NEGR1: variants seen among roughly 807,000 people sequenced by gnomAD.
The protein encoded by NEGR1 is IgLON family member 4.
A neutral mutation model predicts 40.9 loss-of-function variants in NEGR1; 10 were observed. That is an observed-to-expected ratio of 0.24 (90% confidence interval 0.15 to 0.42). The LOEUF (loss-of-function observed/expected upper bound fraction) is 0.42. Among genes scored for constraint, NEGR1 ranks in the 10% least tolerant of loss-of-function variants. The pLI, the probability that NEGR1 is intolerant of heterozygous loss-of-function variation, is 1.00. For missense variants in NEGR1, 352 were observed against 438.9 expected (o/e 0.80, Z 1.77); for synonymous variants, 185 against 166.8 (o/e 1.11, Z -0.84).
intron 6 of NEGR1, among the ~76,000 whole-genome samples, chr1:71,502,893 CCAGAGA>C (rs1647008582): frequency 6.6e-6 from 1 of 152,064 alleles, no homozygotes; most frequent in Non-Finnish European, 1.5e-5. Context: ...AGGGAAATGG[CCAGAGA>C]CAGAGGCAGC....
At chr1:71,733,882 G>T (rs1453098046) in intron 3 of NEGR1, among the ~76,000 whole-genome samples, 3 of 152,106 alleles carry the variant, frequency 2.0e-5, no homozygotes, top group Admixed American at 2.0e-4. Context: ...ACTATCAAAT[G>T]GATAACTTGT....
chr1:71,577,902 C>T (rs376233043), intron 6 of NEGR1, among the ~76,000 whole-genome samples: 1 of 152,066 alleles, frequency 6.6e-6, no homozygotes, highest in South Asian at 2.1e-4. Context: ...AGAATACTTG[C>T]TTGGAGCTAT....
chr1:72,046,412 T>A (rs1245929106), intron 1 of NEGR1, among the ~76,000 whole-genome samples: 1 of 151,548 alleles, frequency 6.6e-6, no homozygotes, highest in Admixed American at 6.6e-5. Context: ...TAAAATTGGC[T>A]CCAGAGAGAT....
chr1:71,612,676 C>T (rs1650299653), intron 4 of NEGR1, among the ~76,000 whole-genome samples: 2 of 152,120 alleles, frequency 1.3e-5, no homozygotes, highest in South Asian at 4.1e-4. Flanking sequence ...ATACTATTTT[C>T]GATAGGGTAA....
chr1:71,488,445 A>G (rs527452391), intron 6 of NEGR1, among the ~76,000 whole-genome samples: 1 of 151,950 alleles, frequency 6.6e-6, no homozygotes, highest in Non-Finnish European at 1.5e-5. Context: ...AGTTTCTGCA[A>G]TTTGACTCCC....
At chr1:71,583,493 T>C (rs1649204409) in intron 6 of NEGR1, among the ~76,000 whole-genome samples, 1 of 152,192 alleles carries the variant, frequency 6.6e-6, no homozygotes, top group Admixed American at 6.5e-5. Flanking sequence ...ATTTATCCTT[T>C]TCCAGCAGAG....
At chr1:71,811,880 T>TTATTC (rs1201283369) in intron 2 of NEGR1, among the ~76,000 whole-genome samples, 7 of 149,736 alleles carry the variant, frequency 4.7e-5, no homozygotes, top group African/African-American at 7.4e-5. Flanking sequence ...TTATTTTATT[T>TTATTC]TATTTTATTT....
chr1:72,172,771 T>C (rs1652011044), intron 1 of NEGR1, among the ~76,000 whole-genome samples: 1 of 152,104 alleles, frequency 6.6e-6, no homozygotes, highest in African/African-American at 2.4e-5. Flanking sequence ...AGACGGAATC[T>C]GTTTCCTTGT....
intron 1 of NEGR1, among the ~76,000 whole-genome samples, chr1:72,145,820 T>C (rs543024925): frequency 6.6e-6 from 1 of 152,292 alleles, no homozygotes; most frequent in Non-Finnish European, 1.5e-5. Flanking sequence ...TCTACTGATT[T>C]TCTTAAAATA....
At chr1:71,689,945 G>A (rs931836810) in intron 4 of NEGR1, among the ~76,000 whole-genome samples, 2 of 151,866 alleles carry the variant, frequency 1.3e-5, no homozygotes, top group African/African-American at 2.4e-5. Flanking sequence ...AGAGAGAATA[G>A]ATAAATAAGA....
chr1:72,213,947 A>G (rs749966477), intron 1 of NEGR1, among the ~76,000 whole-genome samples: 2 of 152,106 alleles, frequency 1.3e-5, no homozygotes, highest in African/African-American at 4.8e-5. Context: ...CCTGATGAAC[A>G]TCGATGAGAA....
chr1:71,644,101 A>T (rs766443629), intron 4 of NEGR1, among the ~76,000 whole-genome samples: 3 of 151,950 alleles, frequency 2.0e-5, no homozygotes, highest in African/African-American at 4.8e-5. Flanking sequence ...TTGGAAGCAA[A>T]AGCTAAAACC....
At chr1:71,921,888 T>C (rs1645723996) in intron 2 of NEGR1, among the ~76,000 whole-genome samples, 1 of 151,918 alleles carries the variant, frequency 6.6e-6, no homozygotes, top group Admixed American at 6.6e-5. Flanking sequence ...GATTTTTGAC[T>C]GTGTAGGAGG....
intron 4 of NEGR1, among the ~76,000 whole-genome samples, chr1:71,645,137 G>A (rs985364862): frequency 2.0e-5 from 3 of 151,780 alleles, no homozygotes; most frequent in East Asian, 3.9e-4. Context: ...TTTGCATCAC[G>A]CTTTTCAGTT....
At chr1:71,562,497 C>T (rs1409938257) in intron 6 of NEGR1, among the ~76,000 whole-genome samples, 3 of 151,846 alleles carry the variant, frequency 2.0e-5, no homozygotes, top group African/African-American at 7.3e-5. Context: ...CATTTTCATT[C>T]CAACTTGAGA....
intron 1 of NEGR1, among the ~76,000 whole-genome samples, chr1:72,063,378 T>G (rs1647206753): frequency 6.6e-6 from 1 of 151,936 alleles, no homozygotes; most frequent in Admixed American, 6.6e-5. Flanking sequence ...AAACCACAAT[T>G]ACTTGTGTAC....
At chr1:72,131,838 T>C (rs1386370050) in intron 1 of NEGR1, among the ~76,000 whole-genome samples, 2 of 152,188 alleles carry the variant, frequency 1.3e-5, no homozygotes, top group Non-Finnish European at 2.9e-5. Context: ...GGCTCACACC[T>C]GTAATCCCAG....
intron 2 of NEGR1, among the ~76,000 whole-genome samples, chr1:71,810,630 GA>G (rs1657967881): frequency 6.6e-6 from 1 of 152,122 alleles, no homozygotes; most frequent in African/African-American, 2.4e-5. Flanking sequence ...TGTTGGAGGA[GA>G]AGCTTGGTGG....
At chr1:71,715,702 A>G (rs1359107890) in intron 3 of NEGR1, among the ~76,000 whole-genome samples, 1 of 152,216 alleles carries the variant, frequency 6.6e-6, no homozygotes, top group Non-Finnish European at 1.5e-5. Context: ...GCATAGCAAG[A>G]GTTGCCTTTA....
Sources: allele counts gnomAD v4.1 joint callset (sites outside exome capture counted in the v4.1 genomes callset), GRCh38; gene constraint gnomAD v4.1.1; transcripts MANE v1.5; gene names NCBI Gene and HGNC (gene_info 2026-07-23, HGNC 2026-07-21).